The following ERCC6 variants were observed in gnomAD, a reference collection of about 807,000 sequenced individuals.
ERCC6 encodes the protein DNA excision repair protein ERCC-6.
Under a neutral mutation model 158.7 loss-of-function variants are expected in ERCC6, and 116 were observed. That is an observed-to-expected ratio of 0.73 (90% CI 0.63 to 0.85). The LOEUF is 0.85. Ranked by LOEUF, ERCC6 falls within the 40% of genes least tolerant of loss-of-function variation. The pLI is 0.00. For synonymous variants in ERCC6, 678 were observed against 659.3 expected, an observed-to-expected ratio of 1.03 and a Z score of -0.43; for missense variants, 1,698 against 1,799.4, an observed-to-expected ratio of 0.94 and a Z score of 1.02.
chr10:49,462,311 CG>C (rs1369777526), intron 18 of ERCC6, among the ~76,000 whole-genome samples: 1 of 152,110 alleles, frequency 6.6e-6, no homozygotes, highest in East Asian at 1.9e-4. Flanking sequence ...GGGGCACAAA[CG>C]TTGGGGCATT....
chr10:49,506,159 T>C lies in ERCC6; in HGVS notation c.1398-147A>G, dbSNP rs903690019. On this transcript the variant is annotated intron_variant, in intron 5 of 20. Transcript: ENST00000355832. ...GCCATTATTACCCAAAACACTGATATTCAAAGAGGAAAAACAATTCTCTTC... is the reference window on the plus strand; with the variant it reads ...GCCATTATTACCCAAAACACTGATACTCAAAGAGGAAAAACAATTCTCTTC... 12 of 796,950 alleles carry C rather than the reference T, an allele frequency of 1.5e-5. No individual in the cohort carries two copies. In the African/African-American group the frequency reaches 1.9e-4, roughly 13 times the overall value. 49.4% of individuals were successfully genotyped at this position (796,950 alleles called of 1,614,324 possible).
At chr10:49,516,860 G>A (rs1836986380) in intron 5 of ERCC6, 3 of 1,614,042 alleles carry the variant, frequency 1.9e-6, no homozygotes. Context: ...CATCAGGAGA[G>A]TCATCTTTAG....
chr10:49,444,775 C>T, the ERCC6 span, among the ~76,000 whole-genome samples: 1 of 152,048 alleles, frequency 6.6e-6, no homozygotes, highest in Non-Finnish European at 1.5e-5. Context: ...TGGAGTATTT[C>T]CCAATTTATT....
Position 49,454,579 on chromosome 10 carries a change from G to C in ERCC6, c.*4236C>G, listed in dbSNP as rs913011387. Among the ~76,000 whole-genome samples the C allele has an allele frequency of 1.3e-5, 2 of 151,994 alleles. No individual in the cohort carries two copies. The highest frequency in any genetic ancestry group is 1.3e-4 in the Admixed American group (2 of 15,268). Reference sequence around the variant, plus strand: ...TATGAGAGGAAGGTGTTTATTTTTTGTTACAATTTTCACTAGTTATAGCTA... The same window carrying C: ...TATGAGAGGAAGGTGTTTATTTTTTCTTACAATTTTCACTAGTTATAGCTA... On this transcript the variant is annotated 3_prime_UTR_variant, in exon 21 of 21. Coordinates refer to ENST00000355832, the MANE Select transcript of ERCC6 (RefSeq NM_000124.4).
chr10:49,472,457 G>A lies in ERCC6; in HGVS notation c.2843C>T (p.Ala948Val). 5 of 1,613,978 alleles carry A rather than the reference G, an allele frequency of 3.1e-6. No homozygotes were observed. The highest frequency in any genetic ancestry group is 4.2e-6 in the Non-Finnish European group (5 of 1,179,968). ...PSTDTQARER[A>V]WRIGQKKQVT... ...TTGCTTCTTCTGGCCTATTCTCCAT[G>A]CTCGCTCCCGGGCCTGCAACAGAGA... The change falls in exon 16 of 21, where the codon GCA becomes GTA. Residue 948 changes from alanine (A) to valine (V), a missense_variant. Physicochemically the swap from Ala to Val is moderately conservative, Grantham distance 64. Transcript: ENST00000355832.
intron 4 of ERCC6, chr10:49,524,996 A>C (rs1241688808): frequency 8.6e-7 from 1 of 1,161,802 alleles, no homozygotes; most frequent in Non-Finnish European, 1.2e-6. Context: ...ACTTCTCAGT[A>C]ACTTTTCCCC....
intron 6 of ERCC6, chr10:49,502,048 G>T (rs376438184): frequency 1.3e-5 from 2 of 152,208 alleles, no homozygotes; most frequent in South Asian, 4.1e-4. Flanking sequence ...CTTAAAAGAA[G>T]ATAGTTTTGT....
chr10:49,447,578 C>A, the ERCC6 span, among the ~76,000 whole-genome samples: 1 of 152,018 alleles, frequency 6.6e-6, no homozygotes, highest in Non-Finnish European at 1.5e-5. Flanking sequence ...GTAGTCCCAG[C>A]TACTTGGGAG....
At chr10:49,515,601 T>C in intron 5 of ERCC6, 1 of 1,614,092 alleles carries the variant, frequency 6.2e-7, no homozygotes, top group Non-Finnish European at 8.5e-7. Flanking sequence ...TTTCTCATCA[T>C]ATGTTTTATG....
Position 49,516,837 on chromosome 10 carries a change from G to A in ERCC6, c.1397+7196C>T, listed in dbSNP as rs536043364. ...TGGTGGAGGTTGCTGCACAGTAAACGTAGATGGAACTTCATCAGGAGAGTC... is the reference window on the plus strand; with the variant it reads ...TGGTGGAGGTTGCTGCACAGTAAACATAGATGGAACTTCATCAGGAGAGTC... On this transcript the variant is annotated intron_variant, in intron 5 of 20. Coordinates refer to ENST00000355832, the MANE Select transcript of ERCC6 (RefSeq NM_000124.4). 8.1e-5 allele frequency: 131 copies of A among 1,614,168 alleles called. No homozygotes were observed. In the South Asian group the frequency reaches 1.2e-3, roughly 15 times the overall value.
chr10:49,486,464 GA>G (rs1851079973), intron 8 of ERCC6, among the ~76,000 whole-genome samples: 1 of 152,030 alleles, frequency 6.6e-6, no homozygotes, highest in Non-Finnish European at 1.5e-5. Context: ...AAAACTGGTA[GA>G]ATTGATAAAG....
chr10:49,499,147 T>C (rs1391488904), intron 7 of ERCC6, among the ~76,000 whole-genome samples: 1 of 152,196 alleles, frequency 6.6e-6, no homozygotes, highest in Non-Finnish European at 1.5e-5. Context: ...CCAAGCAAAA[T>C]GTAATAGAAT....
chr10:49,436,680 T>C, the ERCC6 span, among the ~76,000 whole-genome samples: 2 of 152,376 alleles, frequency 1.3e-5, no homozygotes, highest in African/African-American at 4.8e-5. Flanking sequence ...GGATTTCTTA[T>C]ACTTAAAGTG....
chr10:49,526,149 A>T (rs1381065516), intron 4 of ERCC6, among the ~76,000 whole-genome samples: 1 of 89,184 alleles, frequency 1.1e-5, no homozygotes, highest in African/African-American at 4.1e-5. Flanking sequence ...ATATATATAT[A>T]TATATATATA....
Position 49,532,542 on chromosome 10 carries a change from C to A in ERCC6, c.422+1G>T. On this transcript the variant is annotated splice_donor_variant, in intron 2 of 20. Coordinates refer to ENST00000355832, the MANE Select transcript of ERCC6 (RefSeq NM_000124.4). LOFTEE classifies it high-confidence loss of function. The stretch of plus-strand genomic sequence containing the variant: ...AAAGGAAGAAGATGGGCTGCACTCA[C>A]GTGAGGTCATCCAGGACCGACCGAT... The A allele has an allele frequency of 4.3e-6, 7 of 1,613,750 alleles. No individual in the cohort carries two copies. Among genetic ancestry groups the A allele is most frequent in the Non-Finnish European group, 5.9e-6 (7 of 1,180,040 alleles).
intron 1 of ERCC6, among the ~76,000 whole-genome samples, chr10:49,534,733 T>C (rs1435198028): frequency 6.6e-6 from 1 of 152,240 alleles, no homozygotes; most frequent in Non-Finnish European, 1.5e-5. Flanking sequence ...AGCAAAACGA[T>C]AACCAAAAAT....
In ERCC6 at chr10:49,515,756, G is replaced by C. The variant is rs754549777; in HGVS notation, c.1397+8277C>G. 6 of 1,613,956 alleles carry C rather than the reference G, an allele frequency of 3.7e-6. No individual in the cohort carries two copies. The South Asian group carries it at 6.6e-5, about 18-fold the overall frequency. ...CTCCCATGAACTGGTTATACACTTT[G>C]ATCATGTTTGGCTGCTGAACTTGTA... On this transcript the variant is annotated intron_variant, in intron 5 of 20. Transcript: ENST00000355832.
the ERCC6 span, among the ~76,000 whole-genome samples, chr10:49,447,678 T>C: frequency 1.3e-5 from 2 of 150,012 alleles, no homozygotes; most frequent in Admixed American, 1.3e-4. Flanking sequence ...CACTCCAGCC[T>C]GGGCAGCAGA....
chr10:49,536,493 G>A (rs1306932742), intron 1 of ERCC6, among the ~76,000 whole-genome samples: 1 of 152,228 alleles, frequency 6.6e-6, no homozygotes, highest in East Asian at 1.9e-4. Flanking sequence ...AAATTTGCAG[G>A]TGGAAAGGAG....
Sources: allele counts gnomAD v4.1 joint callset (sites outside exome capture counted in the v4.1 genomes callset), GRCh38; gene constraint gnomAD v4.1.1; transcripts MANE v1.5; gene names NCBI Gene and HGNC (gene_info 2026-07-23, HGNC 2026-07-21).